INTS9: variants seen among roughly 807,000 people sequenced by gnomAD.
INTS9 encodes the protein protein related to CPSF subunits of 74 kDa.
INTS9 carries 55 observed loss-of-function variants against 79.7 expected under a neutral mutation model. That is an observed-to-expected ratio of 0.69 (90% CI 0.56 to 0.86). INTS9 has a LOEUF of 0.86. Among genes scored for constraint, INTS9 ranks in the 40% least tolerant of loss-of-function variants. INTS9 has a pLI of 0.00. For synonymous variants in INTS9, 319 were observed against 325.2 expected, an observed-to-expected ratio of 0.98 and a Z score of 0.20; for missense variants, 721 against 831.5, an observed-to-expected ratio of 0.87 and a Z score of 1.64.
chr8:28,819,686 G>C (rs1805711471), intron 6 of INTS9, among the ~76,000 whole-genome samples: 1 of 152,166 alleles, frequency 6.6e-6, no homozygotes, highest in Non-Finnish European at 1.5e-5. Flanking sequence ...GTGCAGAGCT[G>C]AGTTCAATTC....
chr8:28,873,941 C>G (rs1809227666), intron 1 of INTS9, among the ~76,000 whole-genome samples: 2 of 152,222 alleles, frequency 1.3e-5, no homozygotes. Flanking sequence ...ATATCATCAA[C>G]TGGTCCCACT....
At chr8:28,821,165 C>T (rs187627283) in intron 6 of INTS9, among the ~76,000 whole-genome samples, 19 of 152,200 alleles carry the variant, frequency 1.2e-4, no homozygotes, top group East Asian at 1.2e-3. Context: ...TCACAATAAA[C>T]GACCCAGAGG....
intron 16 of INTS9, among the ~76,000 whole-genome samples, chr8:28,768,704 T>G (rs1802352063): frequency 6.6e-6 from 1 of 152,190 alleles, no homozygotes; most frequent in Admixed American, 6.5e-5. Context: ...AAGATACCCC[T>G]GTGGGACTTG....
In INTS9 at chr8:28,812,418, T is replaced by C. The variant is rs751771769; in HGVS notation, c.653A>G (p.Tyr218Cys). 3.1e-6 allele frequency: 5 copies of C among 1,614,046 alleles called. No homozygotes were observed. The South Asian group carries it at 3.3e-5, about 11-fold the overall frequency. ...AVQVTPLSSGYALGSSNWIIQ... is the reference protein window; with the variant it reads ...AVQVTPLSSGCALGSSNWIIQ... Reference sequence around the variant, plus strand: ...GATCCAGTTGGAGCTCCCAAGGGCATAGCCAGAGCTCAGAGGAGTCACCTG... The same window carrying C: ...GATCCAGTTGGAGCTCCCAAGGGCACAGCCAGAGCTCAGAGGAGTCACCTG... Residue 218 changes from tyrosine to cysteine, a missense_variant, in exon 8 of 17, where the codon TAT (tyrosine) becomes TGT (cysteine). This residue lies in a region of INTS9 where 291 missense variants were observed against 307.0 expected (regional missense o/e 0.95). Coordinates refer to ENST00000521022, the MANE Select transcript of INTS9 (RefSeq NM_018250.4).
intron 1 of INTS9, among the ~76,000 whole-genome samples, chr8:28,866,855 G>C (rs946484018): frequency 1.1e-4 from 16 of 152,076 alleles, no homozygotes; most frequent in Non-Finnish European, 1.8e-4. Flanking sequence ...GGAGCCTGTA[G>C]TCCTGGCTAC....
At chr8:28,792,249 C>A (rs1803956325) in intron 10 of INTS9, among the ~76,000 whole-genome samples, 1 of 152,028 alleles carries the variant, frequency 6.6e-6, no homozygotes, top group Non-Finnish European at 1.5e-5. Context: ...TACTTGACTA[C>A]TTGGGAAAAA....
At chr8:28,838,878 G>A (rs4732885) in intron 4 of INTS9, among the ~76,000 whole-genome samples, 80,212 of 151,952 alleles carry the variant, frequency 0.53, 22,995 homozygotes, top group Non-Finnish European at 0.65. Flanking sequence ...GTAGCACTTT[G>A]TCCTGTGTGA....
At chr8:28,829,450 A>T (rs567309196) in intron 6 of INTS9, among the ~76,000 whole-genome samples, 1 of 152,362 alleles carries the variant, frequency 6.6e-6, no homozygotes, top group African/African-American at 2.4e-5. Context: ...GCTGCCAAAA[A>T]GTAGGAGTAA....
intron 6 of INTS9, among the ~76,000 whole-genome samples, chr8:28,831,446 C>A (rs1806481486): frequency 6.6e-6 from 1 of 152,212 alleles, no homozygotes; most frequent in Non-Finnish European, 1.5e-5. Context: ...TCCCACACAC[C>A]TATCCCAGAA....
intron 14 of INTS9, among the ~76,000 whole-genome samples, chr8:28,775,258 A>G (rs995834050): frequency 1.3e-5 from 2 of 152,088 alleles, no homozygotes; most frequent in Non-Finnish European, 2.9e-5. Flanking sequence ...AGTCCTGACT[A>G]ACAGCTGTTA....
intron 1 of INTS9, among the ~76,000 whole-genome samples, chr8:28,880,290 G>A (rs971618502): frequency 8.0e-5 from 9 of 112,328 alleles, no homozygotes; most frequent in Non-Finnish European, 1.4e-4. Flanking sequence ...CTCCCTCCAC[G>A]GTCTCCCTCT....
Position 28,884,168 on chromosome 8 carries a change from C to CTTTTT in INTS9, c.9+5701_9+5705dup, listed in dbSNP as rs35799882. 3.3e-3 allele frequency among the ~76,000 whole-genome samples: 154 copies of CTTTTT among 46,998 alleles called. 2 individuals are homozygous for CTTTTT. The highest frequency in any genetic ancestry group is 3.6e-3 in the Non-Finnish European group (99 of 27,374). The allele number at this position is 46,998 out of a possible 152,430, so 30.8% of individuals were successfully genotyped here. On this transcript the variant is annotated intron_variant, in intron 1 of 16. Transcript: ENST00000521022. Reference sequence around the variant, plus strand: ...TACCAAAAGTCTGTCATCAGTGTATCTTTTTTTTTTTTTTTTTTTTTTTTT... The same window carrying CTTTTT: ...TACCAAAAGTCTGTCATCAGTGTATCTTTTTTTTTTTTTTTTTTTTTTTTTTTTTT...
chr8:28,876,002 G>A (rs745549945), intron 1 of INTS9, among the ~76,000 whole-genome samples: 7 of 152,046 alleles, frequency 4.6e-5, no homozygotes, highest in East Asian at 1.9e-4. Flanking sequence ...AGCTTCAATC[G>A]AAAACCATTT....
Position 28,787,894 on chromosome 8 carries a change from TAA to T in INTS9, c.1038-7_1038-6del. 6.3e-7 allele frequency: 1 copy of T among 1,591,544 alleles called. No individual in the cohort carries two copies. Among genetic ancestry groups the T allele is most frequent in the Non-Finnish European group, 8.6e-7 (1 of 1,162,690 alleles). On this transcript the variant is annotated splice_region_variant and splice_polypyrimidine_tract_variant and intron_variant, in intron 10 of 16. Transcript: ENST00000521022. ...CTCTGTTTGTTGTGACAAAGCCTAT[TAA>T]AGAGGAAAAACACATCAGCATGTGA...
intron 2 of INTS9, among the ~76,000 whole-genome samples, chr8:28,852,774 G>A (rs930556301): frequency 6.6e-6 from 1 of 152,178 alleles, no homozygotes. Flanking sequence ...TTAAACTCCT[G>A]GAAAACATTC....
At chr8:28,790,439 T>G (rs1247960880) in intron 10 of INTS9, among the ~76,000 whole-genome samples, 2 of 152,168 alleles carry the variant, frequency 1.3e-5, no homozygotes, top group Admixed American at 1.3e-4. Context: ...GAAATCCTCT[T>G]GCCTCAGCCT....
chr8:28,858,322 G>C (rs180900955), intron 2 of INTS9, among the ~76,000 whole-genome samples: 1 of 152,258 alleles, frequency 6.6e-6, no homozygotes, highest in East Asian at 1.9e-4. Context: ...AGGTTATTCT[G>C]TTCATCTCTA....
intron 1 of INTS9, among the ~76,000 whole-genome samples, chr8:28,886,714 C>T (rs1810193391): frequency 6.6e-6 from 1 of 152,120 alleles, no homozygotes; most frequent in Admixed American, 6.6e-5. Context: ...ACCTGGGTTT[C>T]GATCTTGGCT....
intron 4 of INTS9, among the ~76,000 whole-genome samples, chr8:28,840,370 G>A (rs1426281015): frequency 9.6e-5 from 14 of 145,484 alleles, no homozygotes; most frequent in African/African-American, 2.3e-4. Flanking sequence ...CAACCATTGT[G>A]GAAGTCAGTG....
Sources: allele counts gnomAD v4.1 joint callset (sites outside exome capture counted in the v4.1 genomes callset), GRCh38; gene constraint gnomAD v4.1.1; regional missense constraint gnomAD v4.1.1; transcripts MANE v1.5; gene names NCBI Gene and HGNC (gene_info 2026-07-23, HGNC 2026-07-21).